Variants in RBPJ observed in about 807,000 individuals in gnomAD.
The protein encoded by RBPJ is recombining binding protein suppressor of hairless.
Under a neutral mutation model 67.8 loss-of-function variants are expected in RBPJ, and 9 were observed. The ratio of observed to expected loss-of-function variants is 0.13; its 90% confidence interval spans 0.08 to 0.23. The LOEUF (loss-of-function observed/expected upper bound fraction) is 0.23, where lower values mean the gene tolerates loss of function less well. Ranked by LOEUF, RBPJ falls within the 10% of genes least tolerant of loss-of-function variation. The probability of loss-of-function intolerance (pLI) is 1.00; values close to 1 mark genes in which losing one functional copy is unlikely to be tolerated. For synonymous variants in RBPJ, 198 were observed against 203.3 expected, an observed-to-expected ratio of 0.97 and a Z score of 0.22; for missense variants, 305 against 595.6, an observed-to-expected ratio of 0.51 and a Z score of 5.08.
At chr4:26,130,007 G>A in the RBPJ span, among the ~76,000 whole-genome samples, 3 of 151,856 alleles carry the variant, frequency 2.0e-5, no homozygotes, top group Admixed American at 6.6e-5. Context: ...GAGTACAGGC[G>A]TGCACCACCA....
chr4:26,114,114 C>T, the RBPJ span, among the ~76,000 whole-genome samples: 1 of 152,118 alleles, frequency 6.6e-6, no homozygotes, highest in African/African-American at 2.4e-5. Flanking sequence ...TTCATTTACT[C>T]ATCTTCATAG....
chr4:26,341,468 G>T (rs1000684830), intron 1 of RBPJ, among the ~76,000 whole-genome samples: 2 of 152,062 alleles, frequency 1.3e-5, no homozygotes, highest in African/African-American at 4.8e-5. Context: ...ACAAAAATTA[G>T]CTGGGCATGG....
chr4:26,316,422 T>C (rs561182613), upstream of RBPJ, among the ~76,000 whole-genome samples: 9 of 145,184 alleles, frequency 6.2e-5, no homozygotes, highest in Admixed American at 2.1e-4. Context: ...CATTCATATA[T>C]ACATTCATAT....
chr4:26,244,923 A>T (rs992693098), intron 1 of RBPJ, among the ~76,000 whole-genome samples: 1 of 151,906 alleles, frequency 6.6e-6, no homozygotes, highest in Admixed American at 6.6e-5. Context: ...CATGAATTTT[A>T]ATTTCTAATA....
chr4:26,341,132 A>ATT (rs1725481069), intron 1 of RBPJ, among the ~76,000 whole-genome samples: 1 of 152,168 alleles, frequency 6.6e-6, no homozygotes, highest in African/African-American at 2.4e-5. Context: ...TAATGCTAAA[A>ATT]CCCAGGGGCT....
At chr4:26,270,935 G>A (rs917679965) in intron 1 of RBPJ, among the ~76,000 whole-genome samples, 3 of 151,770 alleles carry the variant, frequency 2.0e-5, no homozygotes, top group Non-Finnish European at 2.9e-5. Context: ...ACCATGGTTC[G>A]AAAATAGGTG....
chr4:26,132,430 G>C, the RBPJ span, among the ~76,000 whole-genome samples: 1 of 108,964 alleles, frequency 9.2e-6, no homozygotes, highest in Non-Finnish European at 2.2e-5. Context: ...CTCCCTTCCA[G>C]AGCTGCTCAT....
chr4:26,214,552 GGA>G (rs1718566064), intron 1 of RBPJ, among the ~76,000 whole-genome samples: 3 of 109,308 alleles, frequency 2.7e-5, no homozygotes, highest in Admixed American at 9.6e-5. Flanking sequence ...AGGGAGGGAG[GGA>G]AAAGAGAGAG....
At chr4:26,285,678 T>TAAAAAAAAAAAAAAAAAAAAA (rs545484809) in intron 1 of RBPJ, among the ~76,000 whole-genome samples, 1 of 96,282 alleles carries the variant, frequency 1.0e-5, no homozygotes. Flanking sequence ...ACTGATACGT[T>TAAAAAAAAAAAAAAAAAAAAA]AAAAAAAAAA....
intron 1 of RBPJ, among the ~76,000 whole-genome samples, chr4:26,253,554 G>A (rs974858953): frequency 2.0e-5 from 3 of 151,066 alleles, no homozygotes; most frequent in Admixed American, 2.0e-4. Flanking sequence ...CTCGTGATCC[G>A]CCCGCCTCGG....
intron 2 of RBPJ, among the ~76,000 whole-genome samples, chr4:26,390,055 A>T (rs1338848886): frequency 6.6e-6 from 1 of 152,232 alleles, no homozygotes; most frequent in Admixed American, 6.5e-5. Context: ...AAATTTTCAA[A>T]TGGAATCCAA....
intron 1 of RBPJ, among the ~76,000 whole-genome samples, chr4:26,238,325 G>T (rs1313813787): frequency 1.3e-5 from 2 of 152,212 alleles, no homozygotes; most frequent in Non-Finnish European, 2.9e-5. Context: ...GCCTCCCAAA[G>T]TGCTGGGATT....
intron 1 of RBPJ, among the ~76,000 whole-genome samples, chr4:26,337,682 CTTTTTTTTTTTT>C (rs386356773): frequency 9.3e-6 from 1 of 108,000 alleles, no homozygotes; most frequent in South Asian, 3.0e-4. Flanking sequence ...ATTCTTTATC[CTTTTTTTTTTTT>C]TTTTTTTTGA....
At chr4:26,132,648 C>T in the RBPJ span, among the ~76,000 whole-genome samples, 1 of 152,174 alleles carries the variant, frequency 6.6e-6, no homozygotes, top group Non-Finnish European at 1.5e-5. Context: ...CCTGGGTCTT[C>T]GCTGGCCATA....
chr4:26,215,860 G>T (rs10050115), intron 1 of RBPJ, among the ~76,000 whole-genome samples: 31 of 151,880 alleles, frequency 2.0e-4, no homozygotes, highest in Middle Eastern at 3.4e-3. Context: ...GTTCAGTGCC[G>T]GGCAGCACAT....
intron 1 of RBPJ, among the ~76,000 whole-genome samples, chr4:26,206,521 C>A (rs1205748461): frequency 6.6e-6 from 1 of 152,054 alleles, no homozygotes; most frequent in African/African-American, 2.4e-5. Flanking sequence ...AGGCATAACT[C>A]CAAGAAAAAG....
intron 1 of RBPJ, among the ~76,000 whole-genome samples, chr4:26,196,846 G>A (rs1366834569): frequency 6.6e-6 from 1 of 152,180 alleles, no homozygotes; most frequent in Non-Finnish European, 1.5e-5. Context: ...AATCTGCCAT[G>A]CTGGAGAGGC....
chr4:26,371,106 T>C (rs7669128), intron 1 of RBPJ, among the ~76,000 whole-genome samples: 2,789 of 152,130 alleles, frequency 0.018, 96 homozygotes, highest in African/African-American at 0.063. Flanking sequence ...ATTGAAAAGT[T>C]AATGTCAACT....
chr4:26,123,402 C>A, the RBPJ span, among the ~76,000 whole-genome samples: 1 of 152,156 alleles, frequency 6.6e-6, no homozygotes, highest in Admixed American at 6.5e-5. Context: ...CTGGGTGAGT[C>A]TGAATAGGTG....
Sources: gnomAD v4.1 joint callset for allele counts (sites outside exome capture counted in the v4.1 genomes callset) on GRCh38, gnomAD v4.1.1 for gene constraint, MANE v1.5 for transcripts, NCBI Gene and HGNC (gene_info 2026-07-23, HGNC 2026-07-21) for gene names.